The following ARHGAP42 variants were observed in gnomAD, a reference collection of about 807,000 sequenced individuals.
ARHGAP42 encodes the protein Rho GTPase activating protein 42.
A neutral mutation model predicts 125.0 loss-of-function variants in ARHGAP42; 63 were observed. That is an observed-to-expected ratio of 0.50 (90% CI 0.41 to 0.62). ARHGAP42 has a LOEUF of 0.62. Among genes scored for constraint, ARHGAP42 ranks in the 20% least tolerant of loss-of-function variants. The probability of loss-of-function intolerance (pLI) is 0.00; values close to 1 mark genes in which losing one functional copy is unlikely to be tolerated. For synonymous variants in ARHGAP42, 339 were observed against 351.0 expected, an observed-to-expected ratio of 0.97 and a Z score of 0.38; for missense variants, 766 against 1,024.2, an observed-to-expected ratio of 0.75 and a Z score of 3.44.
At chr11:100,728,714 GTATATATATATA>G (rs57293905) in intron 1 of ARHGAP42, among the ~76,000 whole-genome samples, 820 of 70,390 alleles carry the variant, frequency 0.012, 10 homozygotes, top group Middle Eastern at 0.031. Flanking sequence ...ATGACTTTGC[GTATATATATATA>G]TATATATATA....
Position 100,992,255 on chromosome 11 carries a change from G to T in ARHGAP42, c.*3454G>T. ...AAAGTCAGAGGCAGACCAATTTAGG[G>T]AACAGATTTTGTTCTTTGCTTTTAT... On this transcript the variant is annotated 3_prime_UTR_variant, in exon 24 of 24. Coordinates refer to ENST00000298815, the MANE Select transcript of ARHGAP42 (RefSeq NM_152432.4). The T allele has an allele frequency of 1.3e-6, 2 of 1,529,474 alleles. No individual in the cohort carries two copies. Among genetic ancestry groups the T allele is most frequent in the Non-Finnish European group, 1.8e-6 (2 of 1,142,436 alleles). 94.7% of individuals were successfully genotyped at this position (1,529,474 alleles called of 1,614,324 possible).
At chr11:100,914,643 C>G (rs142740416) in intron 5 of ARHGAP42, among the ~76,000 whole-genome samples, 12 of 152,274 alleles carry the variant, frequency 7.9e-5, no homozygotes, top group African/African-American at 2.9e-4. Context: ...ACACTGCTGT[C>G]TAAAAAGTGA....
At chr11:100,863,087 CAAA>C (rs750291118) in intron 4 of ARHGAP42, among the ~76,000 whole-genome samples, 3 of 142,338 alleles carry the variant, frequency 2.1e-5, no homozygotes, top group Admixed American at 1.4e-4. Flanking sequence ...CACACAACAA[CAAA>C]AAAAAGGCAT....
chr11:100,992,301 C>T lies in ARHGAP42; in HGVS notation c.*3500C>T. ...TTTATGATACATTTGTAACTCACAG[C>T]TGTTAGCATGACCTCACATCACTGC... On this transcript the variant is annotated 3_prime_UTR_variant, in exon 24 of 24. Transcript: ENST00000298815. 6.3e-7 allele frequency: 1 copy of T among 1,576,930 alleles called. No individual in the cohort carries two copies. Among genetic ancestry groups the T allele is most frequent in the Non-Finnish European group, 8.6e-7 (1 of 1,165,238 alleles).
chr11:100,737,535 C>A (rs1862091868), intron 1 of ARHGAP42, among the ~76,000 whole-genome samples: 1 of 152,018 alleles, frequency 6.6e-6, no homozygotes, highest in African/African-American at 2.4e-5. Flanking sequence ...GTTTCCATTT[C>A]TTTTCCTATT....
intron 2 of ARHGAP42, among the ~76,000 whole-genome samples, chr11:100,781,997 C>T (rs1039073410): frequency 7.2e-5 from 11 of 151,942 alleles, no homozygotes; most frequent in Non-Finnish European, 1.5e-4. Context: ...TTTGTCCTCC[C>T]ACCCTGGATC....
intron 1 of ARHGAP42, among the ~76,000 whole-genome samples, chr11:100,704,954 GGTGAGCCTGGGTGAGCCTGA>G (rs1182879297): frequency 7.0e-5 from 8 of 113,788 alleles, no homozygotes; most frequent in East Asian, 6.1e-4. Flanking sequence ...CCACAGCCTG[GGTGAGCCTGGGTGAGCCTGA>G]GTGAGCCTGG....
chr11:100,844,378 T>C (rs529366614), intron 3 of ARHGAP42, among the ~76,000 whole-genome samples: 4 of 145,344 alleles, frequency 2.8e-5, no homozygotes, highest in African/African-American at 1.1e-4. Flanking sequence ...CTTTTAGAGA[T>C]TGTCTTAGGC....
chr11:100,986,334 T>C (rs1421648490), intron 22 of ARHGAP42: 1 of 307,470 alleles, frequency 3.3e-6, no homozygotes, highest in Non-Finnish European at 6.3e-6. Context: ...TCTCAGGACA[T>C]GGACATAGCT....
At chr11:100,945,441 G>A (rs915948497) in intron 10 of ARHGAP42, among the ~76,000 whole-genome samples, 7 of 152,046 alleles carry the variant, frequency 4.6e-5, no homozygotes, top group African/African-American at 1.7e-4. Flanking sequence ...GGTTTTCAGT[G>A]TACTTTACCC....
intron 10 of ARHGAP42, among the ~76,000 whole-genome samples, chr11:100,946,191 C>G (rs1175099992): frequency 6.6e-6 from 1 of 152,058 alleles, no homozygotes; most frequent in East Asian, 1.9e-4. Flanking sequence ...CCTCTCTCAG[C>G]CTTCATAAAA....
At chr11:100,891,100 T>C (rs1319466365) in intron 4 of ARHGAP42, among the ~76,000 whole-genome samples, 1 of 152,184 alleles carries the variant, frequency 6.6e-6, no homozygotes, top group Non-Finnish European at 1.5e-5. Flanking sequence ...TTCTGAGGCA[T>C]GTGAGACAGA....
chr11:100,979,091 T>G, intron 22 of ARHGAP42, 42 bp downstream of exon 22: 1 of 1,536,238 alleles, frequency 6.5e-7, no homozygotes, highest in East Asian at 2.4e-5. Flanking sequence ...AAAAAAGTGG[T>G]GACATTGTTG....
At chr11:100,711,514 C>A (rs1414237932) in intron 1 of ARHGAP42, among the ~76,000 whole-genome samples, 1 of 152,088 alleles carries the variant, frequency 6.6e-6, no homozygotes, top group Non-Finnish European at 1.5e-5. Context: ...ACTACCATGC[C>A]CAGATAATTT....
intron 4 of ARHGAP42, among the ~76,000 whole-genome samples, chr11:100,890,904 G>A (rs1866201214): frequency 6.6e-6 from 1 of 152,168 alleles, no homozygotes. Context: ...AGAACTCCAA[G>A]TCTTGGGAAG....
chr11:100,941,731 G>T, intron 8 of ARHGAP42, 53 bp from the exon 9 acceptor site: 1 of 1,147,466 alleles, frequency 8.7e-7, no homozygotes, highest in Admixed American at 2.9e-5. Context: ...TGCAAACTTT[G>T]ATACAAATCA....
intron 1 of ARHGAP42, among the ~76,000 whole-genome samples, chr11:100,770,095 T>C (rs149219590): frequency 4.1e-4 from 63 of 152,300 alleles, no homozygotes; most frequent in African/African-American, 1.5e-3. Flanking sequence ...CAAAACTCTC[T>C]TAAAGCAGTA....
chr11:100,904,834 A>T (rs751335223), intron 4 of ARHGAP42, among the ~76,000 whole-genome samples: 9 of 152,238 alleles, frequency 5.9e-5, no homozygotes, highest in Non-Finnish European at 1.2e-4. Context: ...TAATGTTTTC[A>T]TGCTCATAAA....
At chr11:100,745,049 G>A (rs915365990) in intron 1 of ARHGAP42, among the ~76,000 whole-genome samples, 14 of 152,138 alleles carry the variant, frequency 9.2e-5, no homozygotes, top group African/African-American at 3.4e-4. Flanking sequence ...GAGTGGTTTG[G>A]TGGAATAAAT....
Sources: gnomAD v4.1 joint callset for allele counts (sites outside exome capture counted in the v4.1 genomes callset) on GRCh38, gnomAD v4.1.1 for gene constraint, MANE v1.5 for transcripts, NCBI Gene and HGNC (gene_info 2026-07-23, HGNC 2026-07-21) for gene names.